IFT80: variants seen among roughly 807,000 people sequenced by gnomAD.
IFT80 encodes intraflagellar transport protein 80 homolog.
A neutral mutation model predicts 107.9 loss-of-function variants in IFT80; 79 were observed. The observed-to-expected ratio is 0.73, with a 90% confidence interval of 0.61 to 0.88. The LOEUF (loss-of-function observed/expected upper bound fraction) is 0.88, where lower values mean the gene tolerates loss of function less well. Ranked by LOEUF, IFT80 falls within the 40% of genes least tolerant of loss-of-function variation. IFT80 has a pLI of 0.00. For synonymous variants in IFT80, 299 were observed against 300.9 expected, an observed-to-expected ratio of 0.99 and a Z score of 0.07; for missense variants, 797 against 914.2, an observed-to-expected ratio of 0.87 and a Z score of 1.65.
intron 12 of IFT80, among the ~76,000 whole-genome samples, chr3:160,295,265 G>A (rs1267209341): frequency 6.6e-6 from 1 of 152,124 alleles, no homozygotes; most frequent in African/African-American, 2.4e-5. Context: ...TAGTGAGAAT[G>A]CAAAATAGTA....
At chr3:160,320,039 A>C in intron 8 of IFT80, 100 bp from the exon 9 acceptor site, 1 of 780,468 alleles carries the variant, frequency 1.3e-6, no homozygotes. Flanking sequence ...CATTTTTAAA[A>C]GAATGTCTAT....
intron 8 of IFT80, among the ~76,000 whole-genome samples, chr3:160,353,786 T>C (rs944019955): frequency 6.6e-6 from 1 of 152,148 alleles, no homozygotes; most frequent in Admixed American, 6.6e-5. Flanking sequence ...ACAACTTGAG[T>C]AAAAGTCTTT....
At chr3:160,286,669 T>C (rs1246515304) in intron 12 of IFT80, among the ~76,000 whole-genome samples, 1 of 152,174 alleles carries the variant, frequency 6.6e-6, no homozygotes, top group African/African-American at 2.4e-5. Flanking sequence ...CAGCACAGCA[T>C]GTCAAAGCAC....
chr3:160,270,906 A>T (rs1174598326), intron 18 of IFT80, among the ~76,000 whole-genome samples: 2 of 152,168 alleles, frequency 1.3e-5, no homozygotes, highest in African/African-American at 2.4e-5. Context: ...AAGTATTCTC[A>T]ATGGGGAGTA....
chr3:160,315,013 T>C (rs1327157800), intron 9 of IFT80, among the ~76,000 whole-genome samples: 1 of 133,778 alleles, frequency 7.5e-6, no homozygotes, highest in African/African-American at 2.8e-5. Flanking sequence ...GCTTCAATAT[T>C]TAAAGGGAAA....
At chr3:160,271,973 C>T (rs1274802466) in intron 18 of IFT80, among the ~76,000 whole-genome samples, 1 of 151,722 alleles carries the variant, frequency 6.6e-6, no homozygotes, top group African/African-American at 2.4e-5. Flanking sequence ...TAATCAAGTT[C>T]CTAGATTCAA....
intron 12 of IFT80, among the ~76,000 whole-genome samples, chr3:160,287,276 G>A (rs1275369182): frequency 6.6e-6 from 1 of 152,150 alleles, no homozygotes; most frequent in Non-Finnish European, 1.5e-5. Flanking sequence ...TATCGAACTT[G>A]AAGGCATTGT....
rs1576803474 is a variant in IFT80 at position 160,319,898 on chromosome 3, A to G, written c.819T>C (p.Phe273=). The G allele has an allele frequency of 1.2e-6, 2 of 1,612,330 alleles. No homozygotes were observed. The highest frequency in any genetic ancestry group is 2.7e-5 in the African/African-American group (2 of 74,860). The change falls in exon 9 of 20, where the codon TTT becomes TTC. Residue 273 remains phenylalanine (F), a synonymous_variant. Coordinates refer to ENST00000326448, the MANE Select transcript of IFT80 (RefSeq NM_020800.3). The part of the protein sequence containing the change: ...ALEKPNTGSI[F]NIAWSIDGTQ... ...TGCCATCGATAGACCATGCAATATTAAATATGCTGCCAGTGTTGGGTTTTT... is the reference window on the plus strand; with the variant it reads ...TGCCATCGATAGACCATGCAATATTGAATATGCTGCCAGTGTTGGGTTTTT...
chr3:160,345,303 G>A (rs1210913982), intron 8 of IFT80, among the ~76,000 whole-genome samples: 2 of 152,150 alleles, frequency 1.3e-5, no homozygotes, highest in Non-Finnish European at 2.9e-5. Context: ...TGGACATAGA[G>A]ATCACTATGT....
intron 5 of IFT80, among the ~76,000 whole-genome samples, chr3:160,371,862 A>C (rs1188984540): frequency 6.6e-6 from 1 of 152,238 alleles, no homozygotes; most frequent in Non-Finnish European, 1.5e-5. Flanking sequence ...AAAGGTTTGC[A>C]GCATTACTTT....
chr3:160,338,450 T>C (rs1310889941), intron 8 of IFT80, among the ~76,000 whole-genome samples: 4 of 151,750 alleles, frequency 2.6e-5, no homozygotes, highest in African/African-American at 2.4e-5. Flanking sequence ...CTGGGCAACA[T>C]AGTGATACCC....
At chr3:160,360,058 A>G (rs7356111) in intron 6 of IFT80, among the ~76,000 whole-genome samples, 86,681 of 152,048 alleles carry the variant, frequency 0.57, 25,448 homozygotes, top group African/African-American at 0.67. Flanking sequence ...AAACTTCCCC[A>G]AGCTAAAGGA....
intron 10 of IFT80, among the ~76,000 whole-genome samples, chr3:160,304,502 C>G (rs903892983): frequency 4.1e-4 from 60 of 145,898 alleles, no homozygotes; most frequent in African/African-American, 1.4e-3. Flanking sequence ...GTGGCACAAT[C>G]TCGGCTCACT....
At chr3:160,298,739 T>C (rs1716185380) in intron 12 of IFT80, among the ~76,000 whole-genome samples, 1 of 152,140 alleles carries the variant, frequency 6.6e-6, no homozygotes, top group Admixed American at 6.5e-5. Flanking sequence ...ACCTAGACAA[T>C]ATAACTTACT....
intron 8 of IFT80, among the ~76,000 whole-genome samples, chr3:160,328,417 G>A (rs548053012): frequency 3.5e-5 from 5 of 144,870 alleles, no homozygotes; most frequent in South Asian, 2.2e-4. Flanking sequence ...AGCAGAGATC[G>A]TGCCAGTGCA....
chr3:160,312,639 TATATATTATATATAAATATATAATATATA>T (rs1717381482), intron 9 of IFT80, among the ~76,000 whole-genome samples: 2 of 55,776 alleles, frequency 3.6e-5, no homozygotes, highest in Admixed American at 6.5e-4. Flanking sequence ...ATATAATAAA[TATATATTATATATAAATATATAATATATA>T]ATATATATAA....
rs146835883 is a variant in IFT80 at position 160,333,988 on chromosome 3, G to A, written c.778-14049C>T. On this transcript the variant is annotated intron_variant, in intron 8 of 19. Transcript: ENST00000326448. ...AGTAATGTGTTGTACTATGATACTA[G>A]GATGGCTATGACATCACTAGGCAAT... is the stretch of plus-strand genomic sequence containing the variant. Among the ~76,000 whole-genome samples, 85 of 152,186 alleles carry A rather than the reference G, an allele frequency of 5.6e-4. 1 individual carries two copies. In the East Asian group the frequency reaches 0.015, roughly 26 times the overall value.
chr3:160,285,858 G>A lies in IFT80; in HGVS notation c.1326C>T (p.Leu442=), dbSNP rs886058131. 2.5e-6 allele frequency: 4 copies of A among 1,610,552 alleles called. No individual in the cohort carries two copies. The highest frequency in any genetic ancestry group is 1.3e-5 in the African/African-American group (1 of 74,800). The part of the protein sequence containing the change: ...RDKADEKIIF[L]FEASTGKPLG... ...ACGGCTTTCCGGTTGATGCCTCAAA[G>A]AGGAAGATTACTTGAAAAAAAGTAG... The change falls in exon 13 of 20, where the codon CTC becomes CTT. Residue 442 remains leucine, a synonymous_variant. Transcript: ENST00000326448.
chr3:160,386,356 C>T (rs1033298400), intron 1 of IFT80, among the ~76,000 whole-genome samples: 1 of 152,108 alleles, frequency 6.6e-6, no homozygotes, highest in Non-Finnish European at 1.5e-5. Context: ...TGCCTGAACG[C>T]TGCATTGAGG....
Sources: allele counts gnomAD v4.1 joint callset (sites outside exome capture counted in the v4.1 genomes callset), GRCh38; gene constraint gnomAD v4.1.1; transcripts MANE v1.5; gene names NCBI Gene and HGNC (gene_info 2026-07-23, HGNC 2026-07-21).